EML1: variants seen among roughly 807,000 people sequenced by gnomAD.
The protein encoded by EML1 is echinoderm microtubule-associated protein-like 1.
EML1 carries 27 observed loss-of-function variants against 110.4 expected under a neutral mutation model. That is an observed-to-expected ratio of 0.24 (90% CI 0.18 to 0.34). The LOEUF (loss-of-function observed/expected upper bound fraction) is 0.34, where lower values mean the gene tolerates loss of function less well. Among genes scored for constraint, EML1 ranks in the 10% least tolerant of loss-of-function variants. EML1 has a pLI of 1.00. For missense variants in EML1, 741 were observed against 1,030.9 expected (o/e 0.72, Z 3.85); for synonymous variants, 344 against 385.8 (o/e 0.89, Z 1.27).
chr14:99,905,136 C>A lies in EML1; in HGVS notation c.1009-2502C>A. Among the ~76,000 whole-genome samples the A allele has an allele frequency of 6.6e-6, 1 of 152,190 alleles. No homozygotes were observed. ...GCTTCTGGGTTCCCTTTCCCTGAGG[C>A]GGCCCTAGTGATCCAGCTGGCTGCA... On this transcript the variant is annotated intron_variant, in intron 9 of 21. Transcript: ENST00000262233. The surrounding 1 kb of genome is among the most constrained non-coding windows in gnomAD (Gnocchi z 4.1).
chr14:99,851,586 C>T lies in EML1; in HGVS notation c.250+551C>T, dbSNP rs567126179. 5.3e-5 allele frequency among the ~76,000 whole-genome samples: 8 copies of T among 152,288 alleles called. No homozygotes were observed. In the South Asian group the frequency reaches 1.2e-3, roughly 24 times the overall value. On this transcript the variant is annotated intron_variant, in intron 2 of 21. Transcript: ENST00000262233. ...CCTCCCAAAGTGCTGGGATTACAGG[C>T]GTGAGCCACTGCGCCCGGCCGAGAA...
rs893514900 is a variant in EML1 at position 99,784,030 on chromosome 14, A to G, written c.-27+10017A>G. Among the ~76,000 whole-genome samples the G allele has an allele frequency of 6.6e-6, 1 of 152,254 alleles. No individual in the cohort carries two copies. Among genetic ancestry groups the G allele is most frequent in the Non-Finnish European group, 1.5e-5 (1 of 68,050 alleles). On this transcript the variant is annotated intron_variant, in intron 1 of 22. Coordinates refer to the EML1 transcript ENST00000327921. This position sits in a 1 kb window ranked among gnomAD's most constrained non-coding sequence, Gnocchi z 4.5. The stretch of plus-strand genomic sequence containing the variant: ...ATTTGCAATCTACTGCGGTGCCCGC[A>G]CTATTGCATGAATTAGAGACAATCA...
chr14:99,796,361 G>C (rs2057774919), intron 1 of EML1, among the ~76,000 whole-genome samples: 1 of 152,112 alleles, frequency 6.6e-6, no homozygotes. Context: ...GCAAAGTTAG[G>C]CAGTATCTAG....
At chr14:99,883,892 G>T (rs769150301) in intron 4 of EML1, among the ~76,000 whole-genome samples, 8 of 152,188 alleles carry the variant, frequency 5.3e-5, no homozygotes, top group Non-Finnish European at 8.8e-5. Flanking sequence ...ACAATGCCCA[G>T]CACACAGTAG....
At chr14:99,900,181 C>CTTTTTTTTTTTTTTTTTTTTTTTTTTTTT (rs3071437) in intron 8 of EML1, among the ~76,000 whole-genome samples, 1 of 106,650 alleles carries the variant, frequency 9.4e-6, no homozygotes, top group Non-Finnish European at 1.9e-5. Context: ...ATATTAAGCT[C>CTTTTTTTTTTTTTTTTTTTTTTTTTTTTT]TTTTTTTTTT....
At chr14:99,752,658 C>T (rs1031246152) in intron 1 of EML1, among the ~76,000 whole-genome samples, 2 of 152,168 alleles carry the variant, frequency 1.3e-5, no homozygotes, top group East Asian at 3.9e-4. Context: ...GCTGCCGCCA[C>T]GGGGCCTCCA....
chr14:99,907,371 G>C (rs1220374564), intron 9 of EML1: 2 of 420,220 alleles, frequency 4.8e-6, no homozygotes, highest in Admixed American at 8.0e-5. Context: ...GGGAGGCTGG[G>C]GTAGGAGGAT....
intron 1 of EML1, among the ~76,000 whole-genome samples, chr14:99,748,659 A>G (rs1325399121): frequency 6.6e-6 from 1 of 152,178 alleles, no homozygotes; most frequent in African/African-American, 2.4e-5. Context: ...CCCTGTCTCA[A>G]AAAAAAGAAA....
At chr14:99,869,616 C>T (rs1324367926) in intron 3 of EML1, among the ~76,000 whole-genome samples, 1 of 152,104 alleles carries the variant, frequency 6.6e-6, no homozygotes, top group African/African-American at 2.4e-5. Context: ...ATGTCAAAAG[C>T]CAGGATAGAC....
At chr14:99,921,623 C>G (rs1023584939) in intron 17 of EML1, among the ~76,000 whole-genome samples, 2 of 152,168 alleles carry the variant, frequency 1.3e-5, no homozygotes, top group African/African-American at 2.4e-5. Flanking sequence ...CAGTTTCCTG[C>G]GTCTGGAGCC....
chr14:99,766,445 C>T (rs1485344017), intron 1 of EML1, among the ~76,000 whole-genome samples: 1 of 152,048 alleles, frequency 6.6e-6, no homozygotes, highest in Non-Finnish European at 1.5e-5. Context: ...CCACCCACCT[C>T]TGCCTCCCAA....
At chr14:99,931,799 T>A (rs928648943) in intron 17 of EML1, among the ~76,000 whole-genome samples, 1 of 152,204 alleles carries the variant, frequency 6.6e-6, no homozygotes, top group Non-Finnish European at 1.5e-5. Context: ...TATGGATGAA[T>A]GTAGGTAAAA....
chr14:99,810,498 T>C (rs1234661575), intron 1 of EML1, among the ~76,000 whole-genome samples: 1 of 152,258 alleles, frequency 6.6e-6, no homozygotes, highest in Non-Finnish European at 1.5e-5. Context: ...AACTGAGGGC[T>C]AAATAGCTTC....
intron 1 of EML1, among the ~76,000 whole-genome samples, chr14:99,828,825 A>G (rs575569927): frequency 1.3e-5 from 2 of 152,354 alleles, no homozygotes; most frequent in African/African-American, 4.8e-5. Flanking sequence ...TATTAAGGAA[A>G]TCATAAGGAA....
chr14:99,857,333 T>TA (rs1167873176), intron 2 of EML1, among the ~76,000 whole-genome samples: 2 of 152,178 alleles, frequency 1.3e-5, no homozygotes, highest in African/African-American at 4.8e-5. Flanking sequence ...TTATTACACT[T>TA]AAAAATTAAT....
intron 1 of EML1, chr14:99,839,048 G>A (rs2058591760): frequency 6.6e-6 from 1 of 151,208 alleles, no homozygotes; most frequent in Admixed American, 6.6e-5. Flanking sequence ...AATGAAATGA[G>A]AGTCCAGGAT....
chr14:99,818,295 C>T (rs1412858994), intron 1 of EML1, among the ~76,000 whole-genome samples: 1 of 152,108 alleles, frequency 6.6e-6, no homozygotes, highest in African/African-American at 2.4e-5. Flanking sequence ...ATGGATAAAC[C>T]AGTTGAGGTT....
intron 1 of EML1, among the ~76,000 whole-genome samples, chr14:99,849,695 G>A (rs1393241725): frequency 6.6e-6 from 1 of 151,432 alleles, no homozygotes; most frequent in Admixed American, 6.6e-5. Context: ...CTATAGACGC[G>A]CACCACCACA....
chr14:99,926,441 C>T (rs1222962001), intron 17 of EML1, among the ~76,000 whole-genome samples: 5 of 151,876 alleles, frequency 3.3e-5, no homozygotes, highest in African/African-American at 9.7e-5. Flanking sequence ...TACGCCACCA[C>T]ACCTGGCTAA....
Sources: gnomAD v4.1 joint callset for allele counts (sites outside exome capture counted in the v4.1 genomes callset) on GRCh38, gnomAD v4.1.1 for gene constraint, Gnocchi (gnomAD v3.1) non-coding constraint, MANE v1.5 for transcripts, NCBI Gene and HGNC (gene_info 2026-07-23, HGNC 2026-07-21) for gene names.